NUP210: variants seen among roughly 807,000 people sequenced by gnomAD.
NUP210 encodes nucleoporin 210.
In NUP210, 151 loss-of-function variants were observed where a neutral mutation model predicts 196.0. That is an observed-to-expected ratio of 0.77 (90% CI 0.67 to 0.88). The LOEUF is 0.88. NUP210 is among the 40% of genes least tolerant of loss of function. The pLI is 0.00. For missense variants in NUP210, 2,314 were observed against 2,493.7 expected, an observed-to-expected ratio of 0.93 and a Z score of 1.53; for synonymous variants, 1,070 against 1,052.7, an observed-to-expected ratio of 1.02 and a Z score of -0.32.
Position 13,351,860 on chromosome 3 carries a change from A to G in NUP210, c.2835+19T>C, listed in dbSNP as rs1287482205. On this transcript the variant is annotated intron_variant, in intron 20 of 39. Coordinates refer to ENST00000254508, the MANE Select transcript of NUP210 (RefSeq NM_024923.4). ...TAAGGAATGAAAACCAACAGTGGGGACCGATGGCCCAAGCTTACCATGGCG... is the reference window on the plus strand; with the variant it reads ...TAAGGAATGAAAACCAACAGTGGGGGCCGATGGCCCAAGCTTACCATGGCG... 3 of 1,524,838 alleles carry G rather than the reference A, an allele frequency of 2.0e-6. No homozygotes were observed. The South Asian group carries it at 3.4e-5, about 17-fold the overall frequency. The allele number at this position is 1,524,838 out of a possible 1,614,324, so 94.5% of individuals were successfully genotyped here. A position where few individuals can be genotyped will look rare whatever the true frequency, so the allele number is the denominator to read the frequency against.
chr3:13,324,636 C>T (rs1193993253), intron 33 of NUP210, among the ~76,000 whole-genome samples: 2 of 152,190 alleles, frequency 1.3e-5, no homozygotes, highest in Admixed American at 6.5e-5. Context: ...CCTTTAGATT[C>T]TGCCACACCC....
intron 2 of NUP210, among the ~76,000 whole-genome samples, chr3:13,397,915 CTA>C (rs1699718447): frequency 6.6e-6 from 1 of 152,136 alleles, no homozygotes; most frequent in Admixed American, 6.5e-5. Context: ...TTATAAAAGA[CTA>C]TCAAGTATAG....
chr3:13,402,472 T>A (rs1200132306), intron 1 of NUP210, among the ~76,000 whole-genome samples: 1 of 152,104 alleles, frequency 6.6e-6, no homozygotes, highest in Non-Finnish European at 1.5e-5. Flanking sequence ...ACAGGCCCAA[T>A]AAATGCAAAC....
chr3:13,346,944 G>A (rs1375522724), intron 20 of NUP210: 12 of 917,514 alleles, frequency 1.3e-5, no homozygotes, highest in Non-Finnish European at 1.4e-5. Flanking sequence ...ACAGGGACCC[G>A]GCCAGCCCTG....
At chr3:13,317,823 A>C in intron 39 of NUP210, 42 bp from the exon 40 acceptor site, 1 of 1,381,592 alleles carries the variant, frequency 7.2e-7, no homozygotes, top group Non-Finnish European at 1.0e-6. Context: ...AGAGCCAGGG[A>C]AAGCGGCGCA....
Position 13,420,165 on chromosome 3 carries a change from G to T in NUP210, c.62C>A (p.Pro21His). 7.8e-7 allele frequency: 1 copy of T among 1,282,366 alleles called. No individual in the cohort carries two copies. Among genetic ancestry groups the T allele is most frequent in the Non-Finnish European group, 1.0e-6 (1 of 997,206 alleles). The allele number at this position is 1,282,366 out of a possible 1,614,324, so 79.4% of individuals were successfully genotyped here. ...GTTGAGCTTGGCCGCAGCGGCGGAG[G>T]GGCCCGCCGCCAACAGCACCGACAG... ...LTLSVLLAAG[P>H]SAAAAKLNIP... The change falls in exon 1 of 40, where the codon CCC (proline) becomes CAC (histidine). Residue 21 changes from proline to histidine, a missense_variant. By Grantham distance (77) the Pro-to-His change is moderately conservative. Transcript: ENST00000254508. This position sits in a 1 kb window ranked among gnomAD's most constrained non-coding sequence, Gnocchi z 4.8.
At chr3:13,326,753 AGCAGCAGCAGAGATCC>A (rs1438004113) in intron 32 of NUP210, among the ~76,000 whole-genome samples, 2 of 152,220 alleles carry the variant, frequency 1.3e-5, no homozygotes, top group African/African-American at 4.8e-5. Flanking sequence ...TCAGTTCCTC[AGCAGCAGCAGAGATCC>A]GTGTGTCTCC....
At position 13,386,410 on chromosome 3, in the gene NUP210, T is replaced by C. The variant is rs1699276986; in HGVS notation, c.685-3A>G. On this transcript the variant is annotated splice_polypyrimidine_tract_variant and splice_region_variant and intron_variant, in intron 5 of 39. Coordinates refer to ENST00000254508, the MANE Select transcript of NUP210 (RefSeq NM_024923.4). Reference sequence around the variant, plus strand: ...CTGACTTCTGCAGGGCGTACATTCTTGGCATAAAGAAAAGGCAGACAAAGT... The same window carrying C: ...CTGACTTCTGCAGGGCGTACATTCTCGGCATAAAGAAAAGGCAGACAAAGT... 1 of 1,614,040 alleles carries C rather than the reference T, an allele frequency of 6.2e-7. No homozygotes were observed. Among genetic ancestry groups the C allele is most frequent in the Admixed American group, 1.7e-5 (1 of 59,990 alleles).
At chr3:13,401,146 C>G (rs2124948831) in intron 1 of NUP210, among the ~76,000 whole-genome samples, 1 of 146,996 alleles carries the variant, frequency 6.8e-6, no homozygotes, top group African/African-American at 2.6e-5. Flanking sequence ...GTAATCCCAG[C>G]TACTCGGTAG....
chr3:13,399,679 T>G (rs926667570), intron 2 of NUP210, 46 bp downstream of exon 2: 1 of 1,612,612 alleles, frequency 6.2e-7, no homozygotes, highest in Non-Finnish European at 8.5e-7. Flanking sequence ...GGCGTTTCCC[T>G]GTCTCTGGCT....
Position 13,366,067 on chromosome 3 carries a change from T to A in NUP210, c.1811A>T (p.His604Leu), listed in dbSNP as rs1231379550. ...LPGRLPPGSE[H>L]CSGIRVKAEA... is the part of the protein sequence containing the mutation. ...GGCCTTTACCCGGATGCCGCTGCAG[T>A]GCTCAGAGCCTGGCGGCAGCCTCCC... Residue 604 changes from histidine to leucine, a missense_variant, in exon 14 of 40, where the codon CAC (histidine) becomes CTC (leucine). Coordinates refer to ENST00000254508, the MANE Select transcript of NUP210 (RefSeq NM_024923.4). 33 of 1,613,920 alleles carry A rather than the reference T, an allele frequency of 2.0e-5. 1 individual carries two copies. The Admixed American group carries it at 5.5e-4, about 27-fold the overall frequency.
At position 13,322,210 on chromosome 3, in the gene NUP210, T is replaced by G. The variant is rs1426611390; in HGVS notation, c.4898A>C (p.Gln1633Pro). 1 of 1,614,220 alleles carries G rather than the reference T, an allele frequency of 6.2e-7. No homozygotes were observed. The highest frequency in any genetic ancestry group is 1.1e-5 in the South Asian group (1 of 91,080). ...PSQDVFTVEP[Q>P]FDTALGQYFC... ...GCAATTACCGAGAGCAGTGTCAAAC[T>G]GTGGCTCCACGGTGAACACATCTTG... is the stretch of plus-strand genomic sequence containing the variant. Residue 1633 changes from glutamine to proline, a missense_variant, in exon 35 of 40, where the codon CAG (glutamine) becomes CCG (proline). Coordinates refer to ENST00000254508, the MANE Select transcript of NUP210 (RefSeq NM_024923.4).
Position 13,341,800 on chromosome 3 carries a change from C to T in NUP210, c.3176G>A (p.Ser1059Asn). 6.2e-7 allele frequency: 1 copy of T among 1,614,246 alleles called. No homozygotes were observed. The highest frequency in any genetic ancestry group is 1.3e-5 in the African/African-American group (1 of 75,070). ...TCTCTGTCCAGCTTTATTGGTCACA[C>T]TTGCAGTTAGACTGGTCTGGCCGAT... ...VAIGQTSLTA[S>N]VTNKAGQRIN... The change falls in exon 23 of 40, where the codon AGT becomes AAT. Residue 1059 changes from serine (S) to asparagine (N), a missense_variant. Physicochemically the swap from Ser to Asn is conservative, Grantham distance 46. Coordinates refer to ENST00000254508, the MANE Select transcript of NUP210 (RefSeq NM_024923.4).
At chr3:13,381,947 C>G (rs1310094656) in intron 6 of NUP210, among the ~76,000 whole-genome samples, 1 of 152,076 alleles carries the variant, frequency 6.6e-6, no homozygotes, top group Admixed American at 6.5e-5. Context: ...AGAGCTCACT[C>G]CCTGCCTCTG....
At chr3:13,332,162 C>T in intron 29 of NUP210, 131 bp downstream of exon 29, 2 of 707,704 alleles carry the variant, frequency 2.8e-6, no homozygotes, top group East Asian at 5.0e-5. Flanking sequence ...GCAGAGGCCT[C>T]ACCCATTCCA....
intron 1 of NUP210, among the ~76,000 whole-genome samples, chr3:13,408,477 G>T (rs1700065544): frequency 6.6e-6 from 1 of 152,092 alleles, no homozygotes; most frequent in African/African-American, 2.4e-5. Flanking sequence ...GGCCATCTGG[G>T]CTTACAGTTT....
chr3:13,355,569 C>G (rs1378561178), intron 16 of NUP210, among the ~76,000 whole-genome samples: 1 of 152,228 alleles, frequency 6.6e-6, no homozygotes, highest in Non-Finnish European at 1.5e-5. Context: ...GCCCCGCCTG[C>G]CTGACCGATA....
chr3:13,325,829 T>C lies in NUP210; in HGVS notation c.4610A>G (p.Tyr1537Cys), dbSNP rs774340336. 3.1e-6 allele frequency: 5 copies of C among 1,613,802 alleles called. No individual in the cohort carries two copies. The Admixed American group carries it at 5.0e-5, about 16-fold the overall frequency. ...ARAVGSVTVY[Y>C]EVAGHLRTYK... ...GGTCCTCAGGTGCCCAGCGACCTCA[T>C]AGTAAACCGTCACGGATCCCACGGC... Residue 1537 changes from tyrosine to cysteine, a missense_variant, in exon 33 of 40, where the codon TAT (tyrosine) becomes TGT (cysteine). Transcript: ENST00000254508.
At chr3:13,374,876 C>G (rs1017628346) in intron 11 of NUP210, among the ~76,000 whole-genome samples, 1 of 152,224 alleles carries the variant, frequency 6.6e-6, no homozygotes, top group Admixed American at 6.5e-5. Context: ...CTCCATGGGA[C>G]AGCAGGACTG....
Sources: gnomAD v4.1 joint callset for allele counts (sites outside exome capture counted in the v4.1 genomes callset) on GRCh38, gnomAD v4.1.1 for gene constraint, Gnocchi (gnomAD v3.1) non-coding constraint, MANE v1.5 for transcripts, NCBI Gene and HGNC (gene_info 2026-07-23, HGNC 2026-07-21) for gene names.